Variants in MN1 observed in about 807,000 individuals in gnomAD.
The protein encoded by MN1 is transcriptional activator MN1.
A neutral mutation model predicts 86.9 loss-of-function variants in MN1; 19 were observed. That is an observed-to-expected ratio of 0.22 (90% CI 0.15 to 0.32). The LOEUF (loss-of-function observed/expected upper bound fraction) is 0.32, where lower values mean the gene tolerates loss of function less well. MN1 is among the 10% of genes least tolerant of loss of function. The pLI, the probability that MN1 is intolerant of heterozygous loss-of-function variation, is 1.00. For missense variants in MN1, 1,841 were observed against 1,862.0 expected, an observed-to-expected ratio of 0.99 and a Z score of 0.21; for synonymous variants, 928 against 849.6, an observed-to-expected ratio of 1.09 and a Z score of -1.60.
intron 1 of MN1, among the ~76,000 whole-genome samples, chr22:27,757,387 C>T (rs1167553631): frequency 6.6e-6 from 1 of 152,320 alleles, no homozygotes; most frequent in East Asian, 1.9e-4. Context: ...GTGCCACGTG[C>T]CAGCGTTGTG....
intron 1 of MN1, among the ~76,000 whole-genome samples, chr22:27,788,526 TG>T (rs1467238612): frequency 6.6e-6 from 1 of 151,918 alleles, no homozygotes; most frequent in Non-Finnish European, 1.5e-5. Flanking sequence ...ATTTTACTCC[TG>T]GTGGTCGCTG....
Position 27,800,594 on chromosome 22 carries a change from G to A in MN1, c.-51C>T, listed in dbSNP as rs771985369. On this transcript the variant is annotated 5_prime_UTR_variant, in exon 1 of 2. Transcript: ENST00000302326. ...AATAGGGCATGACAGCCGGCTCTCC[G>A]CGGCGCGCCTCCGGCCAGCTACTCG... 2.5e-5 allele frequency: 41 copies of A among 1,610,128 alleles called. No homozygotes were observed. In the Admixed American group the frequency reaches 3.7e-4, roughly 14 times the overall value.
chr22:27,751,104 G>A lies in MN1; in HGVS notation c.3782-8C>T, dbSNP rs763756481. On this transcript the variant is annotated splice_region_variant and splice_polypyrimidine_tract_variant and intron_variant, in intron 1 of 1. Coordinates refer to ENST00000302326, the MANE Select transcript of MN1 (RefSeq NM_002430.3). ...TTGCAGGGAGGTCGTGGGCTGTGGAGAGAGAAGGAAGAGAGGACATTAGTG... is the reference window on the plus strand; with the variant it reads ...TTGCAGGGAGGTCGTGGGCTGTGGAAAGAGAAGGAAGAGAGGACATTAGTG... The A allele has an allele frequency of 6.4e-7, 1 of 1,557,494 alleles. No individual in the cohort carries two copies. Among genetic ancestry groups the A allele is most frequent in the East Asian group, 2.3e-5 (1 of 43,338 alleles).
In MN1 at chr22:27,797,543, G is replaced by A. The variant is rs1167101100; in HGVS notation, c.3001C>T (p.His1001Tyr). The A allele has an allele frequency of 6.2e-7, 1 of 1,607,998 alleles. No homozygotes were observed. Among genetic ancestry groups the A allele is most frequent in the Non-Finnish European group, 8.5e-7 (1 of 1,178,398 alleles). The stretch of plus-strand genomic sequence containing the variant: ...GATGGCGACGTGAGCGCCTTTTCGT[G>A]GGGCGTCGGTGCCCCGCGCGTCTCG... Reference protein sequence around the residue: ...AGETRGAPTPHEKALTSPSWG... With the variant: ...AGETRGAPTPYEKALTSPSWG... Residue 1001 changes from histidine to tyrosine, a missense_variant, in exon 1 of 2, where the codon CAC becomes TAC. Coordinates refer to ENST00000302326, the MANE Select transcript of MN1 (RefSeq NM_002430.3).
At chr22:27,796,129 C>T (rs1280997484) in intron 1 of MN1, among the ~76,000 whole-genome samples, 2 of 152,138 alleles carry the variant, frequency 1.3e-5, no homozygotes, top group Non-Finnish European at 2.9e-5. Flanking sequence ...GCAACCCCCA[C>T]AGGTCTCCCG....
At chr22:27,793,044 T>G (rs1933236107) in intron 1 of MN1, among the ~76,000 whole-genome samples, 1 of 152,154 alleles carries the variant, frequency 6.6e-6, no homozygotes. Flanking sequence ...AAAAATATCA[T>G]ACTTCCAAAA....
At position 27,750,528 on chromosome 22, in the gene MN1, A is replaced by C. The variant is rs1331016998; in HGVS notation, c.*387T>G. ...AACTCTTGTCTTATTATGAAATAACAATACTTGGACATACAGCAGCATGAA... is the reference window on the plus strand; with the variant it reads ...AACTCTTGTCTTATTATGAAATAACCATACTTGGACATACAGCAGCATGAA... On this transcript the variant is annotated 3_prime_UTR_variant, in exon 2 of 2. Coordinates refer to ENST00000302326, the MANE Select transcript of MN1 (RefSeq NM_002430.3). 8.4e-6 allele frequency: 2 copies of C among 237,192 alleles called. No homozygotes were observed. The highest frequency in any genetic ancestry group is 1.7e-5 in the Non-Finnish European group (2 of 121,088). 14.7% of individuals were successfully genotyped at this position (237,192 alleles called of 1,614,324 possible).
Position 27,797,506 on chromosome 22 carries a change from C to G in MN1, c.3038G>C (p.Gly1013Ala). The change falls in exon 1 of 2, where the codon GGG becomes GCG. Residue 1013 changes from glycine to alanine, a missense_variant. Coordinates refer to ENST00000302326, the MANE Select transcript of MN1 (RefSeq NM_002430.3). The part of the protein sequence containing the change: ...KALTSPSWGK[G>A]AELLLGDQPD... ...CTGATCCCCCAGGAGCAACTCAGCC[C>G]CCTTCCCCCAGGATGGCGACGTGAG... 2.5e-6 allele frequency: 4 copies of G among 1,606,138 alleles called. No homozygotes were observed. The South Asian group carries it at 4.4e-5, about 18-fold the overall frequency.
chr22:27,754,764 C>T (rs1057109573), intron 1 of MN1, among the ~76,000 whole-genome samples: 2 of 152,154 alleles, frequency 1.3e-5, no homozygotes, highest in African/African-American at 4.8e-5. Context: ...GCGGTAAGCA[C>T]GCCAGCCCCC....
In MN1 at chr22:27,800,175, G is replaced by A; in HGVS notation, c.369C>T (p.Pro123=). 1 of 1,546,702 alleles carries A rather than the reference G, an allele frequency of 6.5e-7. No individual in the cohort carries two copies. The highest frequency in any genetic ancestry group is 8.7e-7 in the Non-Finnish European group (1 of 1,150,234). ...GACCCCCGTGCAGGCACGAGGCCCCGGGGTCCGGGCCACCGAAGTTGCCCC... is the reference window on the plus strand; with the variant it reads ...GACCCCCGTGCAGGCACGAGGCCCCAGGGTCCGGGCCACCGAAGTTGCCCC... The part of the protein sequence containing the change: ...HFGGNFGGPD[P]GASCLHGGRL... Residue 123 remains proline, a synonymous_variant, in exon 1 of 2, where the codon CCC becomes CCT. Transcript: ENST00000302326.
intron 1 of MN1, among the ~76,000 whole-genome samples, chr22:27,772,391 G>C (rs1220292768): frequency 1.1e-4 from 16 of 152,260 alleles, no homozygotes; most frequent in Admixed American, 1.0e-3. Flanking sequence ...TTTCGAGGGA[G>C]TTGGGGTGGA....
chr22:27,764,056 G>A (rs1932852638), intron 1 of MN1, among the ~76,000 whole-genome samples: 2 of 152,192 alleles, frequency 1.3e-5, no homozygotes, highest in Admixed American at 6.5e-5. Flanking sequence ...GAGGGAAGAG[G>A]AGGCTGCAAA....
chr22:27,769,321 A>T (rs1348551037), intron 1 of MN1, among the ~76,000 whole-genome samples: 1 of 152,130 alleles, frequency 6.6e-6, no homozygotes, highest in East Asian at 1.9e-4. Context: ...AAAGAGTGGG[A>T]AACTGAGGCC....
rs1933309399 is a variant in MN1 at position 27,797,045 on chromosome 22, A to C, written c.3499T>G (p.Phe1167Val). Residue 1167 changes from phenylalanine (F) to valine (V), a missense_variant, in exon 1 of 2, where the codon TTC becomes GTC. Phe to Val is a conservative substitution (Grantham distance 50). Transcript: ENST00000302326. ...AGAGGCTGGTCCTCGGAGATGCTGAACTGCTGCCTCTGTAGCTGGATCTGC... is the reference window on the plus strand; with the variant it reads ...AGAGGCTGGTCCTCGGAGATGCTGACCTGCTGCCTCTGTAGCTGGATCTGC... The part of the protein sequence containing the change: ...QAQIQLQRQQ[F>V]SISEDQPLGL... The C allele has an allele frequency of 6.2e-7, 1 of 1,612,250 alleles. No homozygotes were observed. Among genetic ancestry groups the C allele is most frequent in the South Asian group, 1.1e-5 (1 of 91,006 alleles).
rs144238947 is a variant in MN1, at chr22:27,759,842, TG to T, written c.3782-8747del. ...GTCACTCTCCCTCTCTGGGCCTAAC[TG>T]GCCCTCTCTAAAATGACTAGTGGTT... On this transcript the variant is annotated intron_variant, in intron 1 of 1. Transcript: ENST00000302326. Among the ~76,000 whole-genome samples the T allele has an allele frequency of 3.6e-3, 542 of 152,344 alleles. 22 individuals carry two copies. The East Asian group carries it at 0.086, about 24-fold the overall frequency.
In MN1 at chr22:27,779,244, T is replaced by C. The variant is rs45552035; in HGVS notation, c.3781+17519A>G. Reference sequence around the variant, plus strand: ...CCTGTGCTCCCTGGCACTCAGCAGGTACCAGCTATACCGGCAGGCGCTTCC... The same window carrying C: ...CCTGTGCTCCCTGGCACTCAGCAGGCACCAGCTATACCGGCAGGCGCTTCC... On this transcript the variant is annotated intron_variant, in intron 1 of 1. Transcript: ENST00000302326. 7.6e-3 allele frequency among the ~76,000 whole-genome samples: 1,151 copies of C among 152,308 alleles called. 8 individuals carry two copies. Among genetic ancestry groups the C allele is most frequent in the Non-Finnish European group, 0.014 (925 of 68,026 alleles).
chr22:27,753,065 C>T (rs908134979), intron 1 of MN1, among the ~76,000 whole-genome samples: 9 of 152,208 alleles, frequency 5.9e-5, no homozygotes, highest in Non-Finnish European at 1.3e-4. Flanking sequence ...GGGGCCCCCA[C>T]CCTGGAGCCC....
chr22:27,798,348 CGGCGGG>C lies in MN1; in HGVS notation c.2190_2195del (p.Pro732_Pro733del). The C allele has an allele frequency of 4.0e-6, 6 of 1,504,758 alleles. No individual in the cohort carries two copies. Among genetic ancestry groups the C allele is most frequent in the Non-Finnish European group, 5.3e-6 (6 of 1,136,058 alleles). The allele number at this position is 1,504,758 out of a possible 1,614,324, so 93.2% of individuals were successfully genotyped here. On this transcript the variant is annotated inframe_deletion, in exon 1 of 2. Coordinates refer to ENST00000302326, the MANE Select transcript of MN1 (RefSeq NM_002430.3). ...CGAGCGCAGACGTAGCAAAGTCCGG[CGGCGGG>C]GGCCGGCGCTCCGAAGCAGCGCTGG...
In MN1 at chr22:27,798,867, C is replaced by T. The variant is rs1416211796; in HGVS notation, c.1677G>A (p.Lys559=). 33 of 1,546,186 alleles carry T rather than the reference C, an allele frequency of 2.1e-5. No individual in the cohort carries two copies. The highest frequency in any genetic ancestry group is 2.9e-5 in the Non-Finnish European group (33 of 1,147,468). Reference sequence around the variant, plus strand: ...GCTGCTGATTCCGCGACGCCATCTGCTTAATCATGAGGGCCGCGTTTTGGC... The same window carrying T: ...GCTGCTGATTCCGCGACGCCATCTGTTTAATCATGAGGGCCGCGTTTTGGC... ...QQRQNAALMI[K]QMASRNQQQR... is the part of the protein sequence containing the mutation. The change falls in exon 1 of 2, where the codon AAG becomes AAA. Residue 559 remains lysine (K), a synonymous_variant. Coordinates refer to ENST00000302326, the MANE Select transcript of MN1 (RefSeq NM_002430.3).
Sources: gnomAD v4.1 joint callset for allele counts (sites outside exome capture counted in the v4.1 genomes callset) on GRCh38, gnomAD v4.1.1 for gene constraint, MANE v1.5 for transcripts, NCBI Gene and HGNC (gene_info 2026-07-23, HGNC 2026-07-21) for gene names.